Variants in ODF2 observed in about 807,000 individuals in gnomAD.
ODF2 encodes the protein outer dense fiber protein 2.
A neutral mutation model predicts 110.2 loss-of-function variants in ODF2; 47 were observed. The observed-to-expected ratio is 0.43, with a 90% CI of 0.34 to 0.54. The LOEUF (loss-of-function observed/expected upper bound fraction) is 0.54, where lower values mean the gene tolerates loss of function less well. Among genes scored for constraint, ODF2 ranks in the 20% least tolerant of loss-of-function variants. The pLI, the probability that ODF2 is intolerant of heterozygous loss-of-function variation, is 0.03. For synonymous variants in ODF2, 352 were observed against 397.7 expected (o/e 0.89, Z 1.37); for missense variants, 812 against 1,054.5 (o/e 0.77, Z 3.19).
intron 3 of ODF2, chr9:128,460,628 A>C: frequency 7.4e-6 from 12 of 1,614,148 alleles, no homozygotes; most frequent in Non-Finnish European, 1.0e-5. Flanking sequence ...CCACGTCCAC[A>C]TAAAAAAACT....
At chr9:128,480,781 C>T (rs1842241194) in intron 8 of ODF2, among the ~76,000 whole-genome samples, 1 of 152,134 alleles carries the variant, frequency 6.6e-6, no homozygotes, top group African/African-American at 2.4e-5. Flanking sequence ...CGTGCCATCG[C>T]ACTCCAGCCT....
At position 128,475,396 on chromosome 9, in the gene ODF2, C is replaced by T. The variant is rs75943433; in HGVS notation, c.843+1655C>T. Among the ~76,000 whole-genome samples the T allele has an allele frequency of 9.8e-3, 1,495 of 152,220 alleles. 29 individuals are homozygous for T. Among genetic ancestry groups the T allele is most frequent in the East Asian group, 0.072 (372 of 5,174 alleles). ...ATGATGTACAACATGTTTTGACATACGTACACAATATAGAATGGCTAAGTC... is the reference window on the plus strand; with the variant it reads ...ATGATGTACAACATGTTTTGACATATGTACACAATATAGAATGGCTAAGTC... On this transcript the variant is annotated intron_variant, in intron 8 of 20. Transcript: ENST00000604420.
At chr9:128,459,461 C>T in intron 2 of ODF2, 106 bp from the exon 2 acceptor site, 1 of 883,874 alleles carries the variant, frequency 1.1e-6, no homozygotes, top group Non-Finnish European at 1.8e-6. Context: ...GTTTTCCTAG[C>T]CATGAACATG....
intron 18 of ODF2, 28 bp from the exon 19 acceptor site, chr9:128,498,385 C>T: frequency 3.2e-6 from 5 of 1,539,318 alleles, no homozygotes; most frequent in Non-Finnish European, 4.4e-6. Flanking sequence ...GGGGTATGCC[C>T]AGGATCTGAT....
At chr9:128,478,314 A>C (rs1278628341) in intron 8 of ODF2, among the ~76,000 whole-genome samples, 1 of 152,148 alleles carries the variant, frequency 6.6e-6, no homozygotes, top group African/African-American at 2.4e-5. Context: ...AAAAGGAAAG[A>C]AAGCCAGGCA....
At position 128,500,349 on chromosome 9, in the gene ODF2, A is replaced by G. The variant is rs1462842689; in HGVS notation, c.*94A>G. On this transcript the variant is annotated 3_prime_UTR_variant, in exon 21 of 21. Transcript: ENST00000604420. ...AGAAGCCTGGTGGTTTTCCTCTCCC[A>G]GTGAAAAAATGGGTTCAGGGTCTTG... The G allele has an allele frequency of 3.8e-6, 5 of 1,331,574 alleles. No homozygotes were observed. In the East Asian group the frequency reaches 6.9e-5, roughly 18 times the overall value. The allele number at this position is 1,331,574 out of a possible 1,614,324, so 82.5% of individuals were successfully genotyped here.
intron 1 of ODF2, chr9:128,457,096 G>T (rs995987264): frequency 1.5e-6 from 2 of 1,372,308 alleles, no homozygotes; most frequent in Non-Finnish European, 1.9e-6. Flanking sequence ...GTGGGACCCG[G>T]GCGCGGTGGT....
intron 7 of ODF2, chr9:128,473,250 G>A: frequency 1.0e-6 from 1 of 985,196 alleles, no homozygotes; most frequent in Non-Finnish European, 1.2e-6. Flanking sequence ...GGCCTCTGAG[G>A]AGACCTCATC....
exon 2 of ODF2, chr9:128,457,390 G>T: frequency 6.2e-7 from 1 of 1,613,230 alleles, no homozygotes; most frequent in Non-Finnish European, 8.5e-7. Flanking sequence ...CACCTTTGCG[G>T]CTTTGATGCC....
chr9:128,495,991 C>T lies in ODF2; in HGVS notation c.1912-50C>T. The T allele has an allele frequency of 1.9e-6, 3 of 1,606,302 alleles. No homozygotes were observed. In the South Asian group the frequency reaches 3.3e-5, roughly 18 times the overall value. On this transcript the variant is annotated intron_variant, in intron 17 of 20. Coordinates refer to ENST00000604420, the Ensembl canonical transcript of ODF2. The stretch of plus-strand genomic sequence containing the variant: ...AACAGGTCATAGGGAAAGGGGAGGG[C>T]TCTAGCGGGAAATTCCTTTGTAAAC...
chr9:128,470,131 G>A (rs993202347), intron 5 of ODF2, among the ~76,000 whole-genome samples: 5 of 145,934 alleles, frequency 3.4e-5, no homozygotes, highest in Non-Finnish European at 7.5e-5. Flanking sequence ...GGGGTGGGAT[G>A]TGACAATGGA....
upstream of ODF2, chr9:128,456,098 G>A (rs1467556989): frequency 1.9e-6 from 3 of 1,543,888 alleles, no homozygotes; most frequent in Non-Finnish European, 2.6e-6. Flanking sequence ...GCCAATGGGC[G>A]AGCTGCCGAC....
chr9:128,483,559 G>T (rs1842816748), intron 10 of ODF2, among the ~76,000 whole-genome samples: 1 of 150,958 alleles, frequency 6.6e-6, no homozygotes, highest in African/African-American at 2.4e-5. Flanking sequence ...CTCCAGCCTT[G>T]GCAACAGTGA....
chr9:128,488,317 C>T (rs189281921), intron 14 of ODF2, among the ~76,000 whole-genome samples: 15 of 152,092 alleles, frequency 9.9e-5, no homozygotes, highest in African/African-American at 1.7e-4. Flanking sequence ...CCCAGCTACT[C>T]GGGAGGCTGA....
At chr9:128,456,970 C>A in intron 1 of ODF2, 2 of 1,242,666 alleles carry the variant, frequency 1.6e-6, no homozygotes, top group Non-Finnish European at 2.0e-6. Context: ...CCCCGCGGCT[C>A]CCTGCGCGGT....
intron 1 of ODF2, 121 bp downstream of exon 1, chr9:128,456,376 C>A: frequency 2.8e-6 from 4 of 1,427,578 alleles, no homozygotes. Flanking sequence ...TTCCCCGCCG[C>A]GTTGCGCTCG....
rs564287743 is a variant in ODF2 at position 128,467,637 on chromosome 9, C to T, written c.250-1546C>T. ...GTAGGTGCCTGTTATCCCAGCTAGT[C>T]GGGAGGCTGAGGCAGGAGAATTGCT... On this transcript the variant is annotated intron_variant, in intron 4 of 20. Coordinates refer to ENST00000604420, the Ensembl canonical transcript of ODF2. Among the ~76,000 whole-genome samples the T allele has an allele frequency of 4.5e-4, 67 of 148,116 alleles. 1 individual carries two copies. The highest frequency in any genetic ancestry group is 1.5e-3 in the African/African-American group (62 of 40,244).
intron 8 of ODF2, among the ~76,000 whole-genome samples, chr9:128,480,698 T>C (rs1267897226): frequency 6.6e-6 from 1 of 152,060 alleles, no homozygotes; most frequent in African/African-American, 2.4e-5. Context: ...TTATCTGTAA[T>C]CCCAGCTACT....
chr9:128,492,834 C>T (rs757502739), intron 16 of ODF2, 29 bp downstream of exon 16: 51 of 1,568,240 alleles, frequency 3.3e-5, no homozygotes, highest in Non-Finnish European at 4.3e-5. Context: ...GTTTTCTTCT[C>T]CTACCCAATT....
Sources: allele counts gnomAD v4.1 joint callset (sites outside exome capture counted in the v4.1 genomes callset), GRCh38; gene constraint gnomAD v4.1.1; transcripts MANE v1.5; gene names NCBI Gene and HGNC (gene_info 2026-07-23, HGNC 2026-07-21).